The following FAM24B variants were observed in gnomAD, a reference collection of about 807,000 sequenced individuals.
FAM24B encodes the protein family with sequence similarity 24 member B, also known as protein FAM24B.
Under a neutral mutation model 2.3 loss-of-function variants are expected in FAM24B, and 3 were observed. That is an observed-to-expected ratio of 1.29 (90% CI 0.59 to 3.32). The LOEUF is 3.32. FAM24B is among the 30% of genes most tolerant of loss of function. The probability of loss-of-function intolerance (pLI) is 0.03; values close to 1 mark genes in which losing one functional copy is unlikely to be tolerated. For missense variants in FAM24B, 98 were observed against 117.2 expected, an observed-to-expected ratio of 0.84 and a Z score of 0.76; for synonymous variants, 36 against 46.3, an observed-to-expected ratio of 0.78 and a Z score of 0.90.
chr10:122,877,145 C>T (rs985319815), intron 1 of FAM24B, among the ~76,000 whole-genome samples: 11 of 152,088 alleles, frequency 7.2e-5, no homozygotes, highest in Non-Finnish European at 1.0e-4. Flanking sequence ...TTGCCATTCA[C>T]GACAAGAGTA....
intron 1 of FAM24B, among the ~76,000 whole-genome samples, chr10:122,868,128 A>C (rs1448034547): frequency 6.6e-6 from 1 of 152,262 alleles, no homozygotes. Flanking sequence ...CCATGGCACG[A>C]GAACTACGTG....
intron 1 of FAM24B, among the ~76,000 whole-genome samples, chr10:122,875,943 T>A (rs1240002811): frequency 2.0e-5 from 3 of 152,180 alleles, no homozygotes; most frequent in African/African-American, 7.2e-5. Context: ...AAACACACTA[T>A]GCATACAGCC....
chr10:122,849,338 C>A lies in FAM24B; in HGVS notation c.194G>T (p.Cys65Phe). Residue 65 changes from cysteine to phenylalanine, a missense_variant, in exon 4 of 4, where the codon TGT becomes TTT. Coordinates refer to ENST00000368898, the MANE Select transcript of FAM24B (RefSeq NM_152644.3). ...TCCTTCACAGCACTGCAGGGCAGGA[C>A]AAGACTCCGTGGCAATGGTTTTGGC... is the stretch of plus-strand genomic sequence containing the variant. The part of the protein sequence containing the change: ...SQAKTIATES[C>F]PALQCCEGYR... The A allele has an allele frequency of 1.2e-6, 2 of 1,613,614 alleles. No individual in the cohort carries two copies. The highest frequency in any genetic ancestry group is 1.1e-5 in the South Asian group (1 of 90,924).
At chr10:122,877,917 C>G (rs1337166370) in intron 1 of FAM24B, among the ~76,000 whole-genome samples, 1 of 152,194 alleles carries the variant, frequency 6.6e-6, no homozygotes, top group Non-Finnish European at 1.5e-5. Flanking sequence ...TACAACAAAC[C>G]TATACTCAAT....
At chr10:122,859,089 C>T (rs1415951821) in intron 1 of FAM24B, among the ~76,000 whole-genome samples, 1 of 152,166 alleles carries the variant, frequency 6.6e-6, no homozygotes, top group Non-Finnish European at 1.5e-5. Context: ...ACACATAAGA[C>T]AAGGCAAGAA....
chr10:122,854,166 T>G (rs564356917), intron 2 of FAM24B, among the ~76,000 whole-genome samples: 30 of 152,356 alleles, frequency 2.0e-4, no homozygotes, highest in Middle Eastern at 6.8e-3. Flanking sequence ...CCCTGACCAA[T>G]ATTATTTCAT....
At chr10:122,865,909 T>C (rs1289292639) in intron 1 of FAM24B, among the ~76,000 whole-genome samples, 1 of 151,824 alleles carries the variant, frequency 6.6e-6, no homozygotes, top group Admixed American at 6.6e-5. Flanking sequence ...GTTTGTATTA[T>C]TCTTTTTTTT....
chr10:122,871,938 G>A (rs1159648484), intron 1 of FAM24B, among the ~76,000 whole-genome samples: 9 of 152,080 alleles, frequency 5.9e-5, no homozygotes, highest in African/African-American at 1.9e-4. Context: ...ATTGACAAAC[G>A]GGATCTAATT....
intron 1 of FAM24B, among the ~76,000 whole-genome samples, chr10:122,857,234 T>C (rs985177819): frequency 6.6e-6 from 1 of 152,224 alleles, no homozygotes; most frequent in Non-Finnish European, 1.5e-5. Flanking sequence ...AGCTGTTTAG[T>C]AACCTAGACA....
At chr10:122,872,362 G>A (rs1248872598) in intron 1 of FAM24B, among the ~76,000 whole-genome samples, 4 of 152,236 alleles carry the variant, frequency 2.6e-5, no homozygotes, top group Non-Finnish European at 4.4e-5. Context: ...TTCAACCATT[G>A]TGGAAGTCAG....
chr10:122,858,565 A>C (rs1847677140), intron 1 of FAM24B, among the ~76,000 whole-genome samples: 2 of 152,052 alleles, frequency 1.3e-5, no homozygotes, highest in African/African-American at 4.8e-5. Context: ...TAAAAAAAAA[A>C]GAGTGTCACT....
chr10:122,858,719 T>G (rs1180242009), intron 1 of FAM24B, among the ~76,000 whole-genome samples: 1 of 152,002 alleles, frequency 6.6e-6, no homozygotes, highest in African/African-American at 2.4e-5. Context: ...GTTACCCAGG[T>G]AGCCCTCACT....
intron 1 of FAM24B, among the ~76,000 whole-genome samples, chr10:122,869,080 T>C (rs1352293568): frequency 8.6e-5 from 13 of 151,834 alleles, no homozygotes; most frequent in Admixed American, 2.6e-4. Flanking sequence ...AATAAAGGGA[T>C]GGAGGAAGAT....
intron 1 of FAM24B, among the ~76,000 whole-genome samples, chr10:122,856,129 C>T (rs1488573802): frequency 1.3e-5 from 2 of 152,208 alleles, no homozygotes; most frequent in African/African-American, 2.4e-5. Context: ...AATGCCCCTG[C>T]TGAAGCAGAG....
chr10:122,871,780 A>G (rs1397743394), intron 1 of FAM24B, among the ~76,000 whole-genome samples: 2 of 152,120 alleles, frequency 1.3e-5, no homozygotes, highest in Non-Finnish European at 2.9e-5. Context: ...TTATACAAAA[A>G]TTAATTCAAG....
chr10:122,849,253 GC>G lies in FAM24B; in HGVS notation c.278del (p.Gly93AlafsTer18). The part of the protein sequence containing the change: ...LPPCCCDINE[G>X]L ...TGTGCCCACCTTTCCTAACTCAGAG[GC>G]CCTCATTTATGTCGCAACAGCAAGG... On this transcript the variant is annotated frameshift_variant, in exon 4 of 4. Coordinates refer to ENST00000368898, the MANE Select transcript of FAM24B (RefSeq NM_152644.3). LOFTEE classifies it high-confidence loss of function. The G allele has an allele frequency of 6.4e-7, 1 of 1,559,624 alleles. No individual in the cohort carries two copies. The highest frequency in any genetic ancestry group is 8.7e-7 in the Non-Finnish European group (1 of 1,147,634).
rs758502475 is a variant in FAM24B, at chr10:122,849,268, G to C, written c.264C>G (p.Cys88Trp). Residue 88 changes from cysteine (C) to tryptophan (W), a missense_variant, in exon 4 of 4, where the codon TGC becomes TGG. Cys to Trp is a radical substitution (Grantham distance 215, BLOSUM62 -2). Coordinates refer to ENST00000368898, the MANE Select transcript of FAM24B (RefSeq NM_152644.3). ...ASFDSLPPCCCDINEGL is the reference protein window; with the variant it reads ...ASFDSLPPCCWDINEGL ...TAACTCAGAGGCCCTCATTTATGTC[G>C]CAACAGCAAGGTGGCAGGGAATCAA... 3.8e-6 allele frequency: 6 copies of C among 1,569,878 alleles called. No individual in the cohort carries two copies. The highest frequency in any genetic ancestry group is 5.2e-6 in the Non-Finnish European group (6 of 1,153,952).
In FAM24B at chr10:122,854,422, C is replaced by T. The variant is rs1847600580; in HGVS notation, c.-36+1223G>A. ...GTTCTATAATCCTTCCCTCCATCTC[C>T]TGCTTCCCAAGTCCAATGCTCTTCC... On this transcript the variant is annotated intron_variant, in intron 2 of 3. Coordinates refer to ENST00000368898, the MANE Select transcript of FAM24B (RefSeq NM_152644.3). Among the ~76,000 whole-genome samples the T allele has an allele frequency of 2.0e-5, 3 of 152,284 alleles. No individual in the cohort carries two copies. The South Asian group carries it at 6.2e-4, about 32-fold the overall frequency.
At chr10:122,856,472 C>T (rs939753337) in intron 1 of FAM24B, among the ~76,000 whole-genome samples, 7 of 152,156 alleles carry the variant, frequency 4.6e-5, no homozygotes, top group Non-Finnish European at 7.4e-5. Flanking sequence ...AGTGTCAGTG[C>T]GGGGAGTCAG....
Sources: gnomAD v4.1 joint callset for allele counts (sites outside exome capture counted in the v4.1 genomes callset) on GRCh38, gnomAD v4.1.1 for gene constraint, MANE v1.5 for transcripts, NCBI Gene and HGNC (gene_info 2026-07-23, HGNC 2026-07-21) for gene names.